Variants in LYPD6B observed in about 807,000 individuals in gnomAD.
LYPD6B encodes ly6/PLAUR domain-containing protein 6B.
A neutral mutation model predicts 22.8 loss-of-function variants in LYPD6B; 17 were observed. The observed-to-expected ratio is 0.75, with a 90% confidence interval of 0.51 to 1.12. The LOEUF is 1.12. Ranked by LOEUF, LYPD6B falls within the 50% of genes most tolerant of loss-of-function variation. LYPD6B has a pLI of 0.00. For synonymous variants in LYPD6B, 106 were observed against 91.6 expected (o/e 1.16, Z -0.90); for missense variants, 221 against 258.3 (o/e 0.86, Z 0.99).
intron 3 of LYPD6B, among the ~76,000 whole-genome samples, chr2:149,165,780 A>C (rs1559045539): frequency 6.6e-6 from 1 of 152,148 alleles, no homozygotes; most frequent in Non-Finnish European, 1.5e-5. Context: ...GTTAACCCTA[A>C]TGCTTCTCAA....
intron 3 of LYPD6B, among the ~76,000 whole-genome samples, chr2:149,174,445 C>T (rs1271945650): frequency 6.6e-6 from 1 of 152,164 alleles, no homozygotes; most frequent in Non-Finnish European, 1.5e-5. Flanking sequence ...TGAGAGAGGG[C>T]ATCCTTGTCT....
chr2:149,063,804 A>G (rs919774460), intron 1 of LYPD6B, among the ~76,000 whole-genome samples: 1 of 152,356 alleles, frequency 6.6e-6, no homozygotes, highest in East Asian at 1.9e-4. Context: ...TTTGCACAGG[A>G]ACAACAATTT....
chr2:149,042,387 G>A lies in LYPD6B; in HGVS notation c.-67+3586G>A, dbSNP rs569587047. ...ATCAGATTGGGCAACCAAGGATGCC[G>A]CTTCTCATGATCCTCTATCCTCAAT... On this transcript the variant is annotated intron_variant, in intron 1 of 6. Coordinates refer to ENST00000409642, the MANE Select transcript of LYPD6B (RefSeq NM_177964.5). 3.2e-4 allele frequency among the ~76,000 whole-genome samples: 48 copies of A among 152,292 alleles called. 1 individual carries two copies. In the South Asian group the frequency reaches 9.8e-3, roughly 31 times the overall value.
At chr2:149,150,401 A>C (rs746024422) in intron 2 of LYPD6B, among the ~76,000 whole-genome samples, 43 of 152,212 alleles carry the variant, frequency 2.8e-4, no homozygotes, top group Non-Finnish European at 5.0e-4. Flanking sequence ...GATCCTTTGC[A>C]TATATAAAAG....
chr2:149,185,373 G>A (rs909508264), intron 3 of LYPD6B, among the ~76,000 whole-genome samples: 2 of 152,160 alleles, frequency 1.3e-5, no homozygotes, highest in African/African-American at 4.8e-5. Context: ...CTGTGAGCTG[G>A]GAACCTATCC....
At position 149,173,349 on chromosome 2, in the gene LYPD6B, C is replaced by CTTTTTTTTTT. The variant is rs67113716; in HGVS notation, c.77+12525_77+12534dup. ...AGCTTGATGCTTTAGTCTGTCAGGC[C>CTTTTTTTTTT]TTTTTTTTTTTTTTTTTTTTGCATC... On this transcript the variant is annotated intron_variant, in intron 3 of 6. Transcript: ENST00000409642. Among the ~76,000 whole-genome samples the CTTTTTTTTTT allele has an allele frequency of 4.3e-4, 25 of 58,480 alleles. 1 individual carries two copies. Among genetic ancestry groups the CTTTTTTTTTT allele is most frequent in the Non-Finnish European group, 4.9e-4 (17 of 34,436 alleles). The allele number at this position is 58,480 out of a possible 152,430, so 38.4% of individuals were successfully genotyped here.
At chr2:149,144,930 C>G (rs1364391787) in intron 2 of LYPD6B, among the ~76,000 whole-genome samples, 1 of 152,084 alleles carries the variant, frequency 6.6e-6, no homozygotes, top group Non-Finnish European at 1.5e-5. Context: ...GTCAACTGCT[C>G]TACTTGTTAC....
intron 2 of LYPD6B, among the ~76,000 whole-genome samples, chr2:149,136,397 A>G (rs1360063564): frequency 6.6e-6 from 1 of 152,252 alleles, no homozygotes; most frequent in Non-Finnish European, 1.5e-5. Flanking sequence ...GCTTACAGCC[A>G]GAGGCCAACT....
At chr2:149,156,724 G>A (rs754574401) in intron 2 of LYPD6B, among the ~76,000 whole-genome samples, 8 of 152,090 alleles carry the variant, frequency 5.3e-5, no homozygotes, top group Non-Finnish European at 1.2e-4. Context: ...AGACTCTCCA[G>A]ATACATCACA....
chr2:149,053,297 C>T (rs906811480), intron 1 of LYPD6B, among the ~76,000 whole-genome samples: 12 of 152,054 alleles, frequency 7.9e-5, no homozygotes, highest in African/African-American at 2.4e-4. Context: ...TTTTAATGAC[C>T]GAATTGTATT....
At chr2:149,108,626 A>G (rs749872821) in intron 1 of LYPD6B, among the ~76,000 whole-genome samples, 2 of 152,006 alleles carry the variant, frequency 1.3e-5, no homozygotes, top group Non-Finnish European at 2.9e-5. Flanking sequence ...ATATGATTGG[A>G]TCTTTCTTTT....
intron 3 of LYPD6B, chr2:149,200,834 T>A (rs1287478307): frequency 1.3e-5 from 2 of 152,210 alleles, no homozygotes; most frequent in Admixed American, 1.3e-4. Context: ...CCTATAAATA[T>A]GCCTTGCAGA....
Position 149,210,373 on chromosome 2 carries a change from TG to T in LYPD6B, c.328+1964del, listed in dbSNP as rs1364749235. Among the ~76,000 whole-genome samples the T allele has an allele frequency of 9.2e-5, 14 of 152,226 alleles. No homozygotes were observed. In the East Asian group the frequency reaches 2.5e-3, roughly 27 times the overall value. On this transcript the variant is annotated intron_variant, in intron 5 of 6. Transcript: ENST00000409642. ...GTCCACCTGAGAGGCTGACTCTTAA[TG>T]GGCTCAATACGGAATGGCCCTGCAT...
intron 2 of LYPD6B, among the ~76,000 whole-genome samples, chr2:149,144,932 A>G (rs56114793): frequency 0.2 from 30,852 of 152,028 alleles, 3,581 homozygotes; most frequent in Non-Finnish European, 0.26. Context: ...CAACTGCTCT[A>G]CTTGTTACTG....
chr2:149,064,569 C>CT (rs2105333062), intron 1 of LYPD6B, among the ~76,000 whole-genome samples: 1 of 152,314 alleles, frequency 6.6e-6, no homozygotes, highest in Admixed American at 6.5e-5. Context: ...ATGTCATTCC[C>CT]TTATCTTGCT....
At chr2:149,161,179 C>G (rs182018062) in intron 3 of LYPD6B, among the ~76,000 whole-genome samples, 3 of 152,014 alleles carry the variant, frequency 2.0e-5, no homozygotes, top group Admixed American at 1.3e-4. Context: ...GGGGGTGCGT[C>G]GGGGGTGTGG....
chr2:149,205,189 G>A, intron 3 of LYPD6B, 64 bp from the exon 4 acceptor site: 1 of 1,529,684 alleles, frequency 6.5e-7, no homozygotes, highest in Non-Finnish European at 8.8e-7. Flanking sequence ...CCAAACAGAA[G>A]CAAAACACAA....
chr2:149,119,582 A>G (rs1034986085), intron 1 of LYPD6B, among the ~76,000 whole-genome samples: 4 of 152,214 alleles, frequency 2.6e-5, no homozygotes, highest in Non-Finnish European at 4.4e-5. Flanking sequence ...TGTAGCCTTC[A>G]TTACATTGCC....
intron 4 of LYPD6B, among the ~76,000 whole-genome samples, chr2:149,205,636 T>A (rs1693463331): frequency 6.6e-6 from 1 of 152,114 alleles, no homozygotes; most frequent in Non-Finnish European, 1.5e-5. Context: ...ATTCTTGTTT[T>A]AAAAAAAACT....
Sources: gnomAD v4.1 joint callset for allele counts (sites outside exome capture counted in the v4.1 genomes callset) on GRCh38, gnomAD v4.1.1 for gene constraint, MANE v1.5 for transcripts, NCBI Gene and HGNC (gene_info 2026-07-23, HGNC 2026-07-21) for gene names.